Variants in ATAD5 observed in about 807,000 individuals in gnomAD.
ATAD5 encodes the protein ATPase family AAA domain containing 5.
ATAD5 carries 58 observed loss-of-function variants against 176.9 expected under a neutral mutation model. That is an observed-to-expected ratio of 0.33 (90% CI 0.27 to 0.41). The LOEUF is 0.41. Among genes scored for constraint, ATAD5 ranks in the 10% least tolerant of loss-of-function variants. The probability of loss-of-function intolerance (pLI) is 1.00; values close to 1 mark genes in which losing one functional copy is unlikely to be tolerated. For missense variants in ATAD5, 1,789 were observed against 2,094.1 expected (o/e 0.85, Z 2.84); for synonymous variants, 640 against 712.6 (o/e 0.90, Z 1.62).
chr17:30,877,932 G>A, intron 16 of ATAD5, 71 bp from the exon 17 acceptor site: 1 of 1,098,378 alleles, frequency 9.1e-7, no homozygotes, highest in Non-Finnish European at 1.3e-6. Context: ...AACAGACATA[G>A]AATATTTACT....
Position 30,893,998 on chromosome 17 carries a change from C to T in ATAD5, c.5145C>T (p.Leu1715=), listed in dbSNP as rs1444753791. The T allele has an allele frequency of 1.9e-6, 3 of 1,613,784 alleles. No individual in the cohort carries two copies. The highest frequency in any genetic ancestry group is 2.5e-6 in the Non-Finnish European group (3 of 1,179,804). ...AATTAAAGGCAGCTGCAGAAGCTCT[C>T]AGCTTTACTAAATGTTCTTCTGCTA... The part of the protein sequence containing the change: ...SGELKAAAEA[L]SFTKCSSAIS... Residue 1715 remains leucine (L), a synonymous_variant, in exon 21 of 23, where the codon CTC becomes CTT. Coordinates refer to ENST00000321990, the MANE Select transcript of ATAD5 (RefSeq NM_024857.5).
In ATAD5 at chr17:30,837,318, A is replaced by G; in HGVS notation, c.2076+4A>G. The G allele has an allele frequency of 6.6e-7, 1 of 1,522,118 alleles. No individual in the cohort carries two copies. Among genetic ancestry groups the G allele is most frequent in the Non-Finnish European group, 8.9e-7 (1 of 1,123,338 alleles). 94.3% of individuals were successfully genotyped at this position (1,522,118 alleles called of 1,614,324 possible). On this transcript the variant is annotated splice_donor_region_variant and intron_variant, in intron 3 of 22. Coordinates refer to ENST00000321990, the MANE Select transcript of ATAD5 (RefSeq NM_024857.5). ...TTTTACTTCTCAGATTAGAAAGGTA[A>G]TTAAAATATTAGAGAGTCCTATAAG... is the stretch of plus-strand genomic sequence containing the variant.
At chr17:30,868,252 T>TC in intron 11 of ATAD5, 81 bp from the exon 12 acceptor site, 1 of 1,189,338 alleles carries the variant, frequency 8.4e-7, no homozygotes, top group South Asian at 2.1e-5. Flanking sequence ...TGCCATAACT[T>TC]CCCCCGATAA....
Position 30,881,603 on chromosome 17 carries a change from C to G in ATAD5, c.4077+2116C>G, listed in dbSNP as rs1909015176. 2.0e-5 allele frequency among the ~76,000 whole-genome samples: 3 copies of G among 151,958 alleles called. 1 individual carries two copies. The highest frequency in any genetic ancestry group is 4.4e-5 in the Non-Finnish European group (3 of 67,958). ...CAGGCGTGAGCCACCGCGCCCGACC[C>G]TGTTCTTACTTTTAAATTGTGTTTC... On this transcript the variant is annotated intron_variant, in intron 18 of 22. Transcript: ENST00000321990.
intron 18 of ATAD5, among the ~76,000 whole-genome samples, chr17:30,882,140 C>T (rs1388154761): frequency 6.6e-6 from 1 of 151,832 alleles, no homozygotes; most frequent in Non-Finnish European, 1.5e-5. Context: ...CCTGTAATCC[C>T]AGCTACTCGG....
intron 19 of ATAD5, among the ~76,000 whole-genome samples, 182 bp from the exon 20 acceptor site, chr17:30,892,425 T>TAAAAAA (rs67654723): frequency 7.5e-6 from 1 of 133,274 alleles, no homozygotes. Flanking sequence ...ACTCTGTCTT[T>TAAAAAA]AAAAAAAAAA....
At chr17:30,876,846 A>C (rs1295559769) in intron 15 of ATAD5, among the ~76,000 whole-genome samples, 1 of 150,626 alleles carries the variant, frequency 6.6e-6, no homozygotes, top group African/African-American at 2.4e-5. Flanking sequence ...CCTCCCGAGT[A>C]GCTGGGATTA....
intron 4 of ATAD5, among the ~76,000 whole-genome samples, chr17:30,843,105 A>G (rs1417217180): frequency 6.6e-6 from 1 of 151,858 alleles, no homozygotes; most frequent in Non-Finnish European, 1.5e-5. Context: ...TAATCCCAGC[A>G]CTTTGGGAGG....
chr17:30,843,581 C>T (rs1008426252), intron 4 of ATAD5, among the ~76,000 whole-genome samples: 21 of 150,592 alleles, frequency 1.4e-4, no homozygotes, highest in Admixed American at 2.0e-4. Flanking sequence ...ACACGGGAGG[C>T]GGAGGTTGCA....
At chr17:30,874,291 C>T (rs1465355516) in intron 14 of ATAD5, among the ~76,000 whole-genome samples, 4 of 151,652 alleles carry the variant, frequency 2.6e-5, no homozygotes, top group Admixed American at 2.6e-4. Context: ...GCCTGTAATC[C>T]CAGCACTTTG....
In ATAD5 at chr17:30,893,665, C is replaced by G. The variant is rs755164403; in HGVS notation, c.4812C>G (p.Ser1604Arg). The change falls in exon 21 of 23, where the codon AGC becomes AGG. Residue 1604 changes from serine (S) to arginine (R), a missense_variant. Physicochemically the swap from Ser to Arg is moderately radical, Grantham distance 110. Transcript: ENST00000321990. Reference protein sequence around the residue: ...SVSSSSNAEESKTGDEESKAR... With the variant: ...SVSSSSNAEERKTGDEESKAR... ...CATCTTCCTCAAATGCAGAAGAAAG[C>G]AAAACCGGAGACGAAGAAAGCAAAG... 2 of 1,613,332 alleles carry G rather than the reference C, an allele frequency of 1.2e-6. No individual in the cohort carries two copies. Among genetic ancestry groups the G allele is most frequent in the East Asian group, 2.2e-5 (1 of 44,856 alleles).
chr17:30,844,702 C>T (rs1236359360), intron 5 of ATAD5, 133 bp from the exon 6 acceptor site: 18 of 645,696 alleles, frequency 2.8e-5, no homozygotes, highest in Middle Eastern at 9.6e-4. Context: ...GAGCCAAGAT[C>T]GTGGCACTGC....
Position 30,894,018 on chromosome 17 carries a change from C to G in ATAD5, c.5165C>G (p.Ser1722Cys). 20 of 1,613,496 alleles carry G rather than the reference C, an allele frequency of 1.2e-5. No individual in the cohort carries two copies. Among genetic ancestry groups the G allele is most frequent in the Non-Finnish European group, 1.6e-5 (19 of 1,179,580 alleles). ...AEALSFTKCS[S>C]AISKALETLN... ...GCTCTCAGCTTTACTAAATGTTCTT[C>G]TGCTATTTCAAAAGCATTGGAAACC... Residue 1722 changes from serine to cysteine, a missense_variant, in exon 21 of 23, where the codon TCT becomes TGT. Physicochemically the swap from Ser to Cys is moderately radical, Grantham distance 112. This residue lies in a region of ATAD5 where 403 missense variants were observed against 495.1 expected (regional missense o/e 0.81). Transcript: ENST00000321990.
chr17:30,839,706 C>G (rs1385356812), intron 3 of ATAD5, among the ~76,000 whole-genome samples: 1 of 138,828 alleles, frequency 7.2e-6, no homozygotes, highest in Non-Finnish European at 1.5e-5. Context: ...TCAGCCGCCC[C>G]AAGTCGTTGG....
intron 17 of ATAD5, among the ~76,000 whole-genome samples, chr17:30,878,940 C>T (rs901247483): frequency 6.6e-6 from 1 of 152,108 alleles, no homozygotes; most frequent in African/African-American, 2.4e-5. Flanking sequence ...CCATATTGGT[C>T]AGGCTGGTCT....
Position 30,894,083 on chromosome 17 carries a change from G to T in ATAD5, c.5230G>T (p.Asp1744Tyr), listed in dbSNP as rs755240839. ...GAAATTAGGAAGAGATCCAACCAACGATCTTACTTTTTATGTTTCACAAAA... is the reference window on the plus strand; with the variant it reads ...GAAATTAGGAAGAGATCCAACCAACTATCTTACTTTTTATGTTTCACAAAA... ...CKKLGRDPTN[D>Y]LTFYVSQKRN... is the part of the protein sequence containing the mutation. The change falls in exon 21 of 23, where the codon GAT becomes TAT. Residue 1744 changes from aspartate to tyrosine, a missense_variant. Transcript: ENST00000321990. 6.2e-7 allele frequency: 1 copy of T among 1,605,116 alleles called. No individual in the cohort carries two copies. Among genetic ancestry groups the T allele is most frequent in the Non-Finnish European group, 8.5e-7 (1 of 1,174,102 alleles).
At chr17:30,879,529 T>C in intron 18 of ATAD5, 42 bp downstream of exon 18, 3 of 1,522,894 alleles carry the variant, frequency 2.0e-6, no homozygotes, top group Non-Finnish European at 2.7e-6. Context: ...CATATCACCA[T>C]CATGTAAAAG....
rs1397127558 is a variant in ATAD5 at position 30,892,734 on chromosome 17, G to T, written c.4386G>T (p.Leu1462Phe). 1.3e-6 allele frequency: 2 copies of T among 1,583,502 alleles called. No homozygotes were observed. Among genetic ancestry groups the T allele is most frequent in the Non-Finnish European group, 1.7e-6 (2 of 1,166,784 alleles). The change falls in exon 20 of 23, where the codon TTG (leucine) becomes TTT (phenylalanine). Residue 1462 changes from leucine to phenylalanine, a missense_variant. Physicochemically the swap from Leu to Phe is conservative, Grantham distance 22. Coordinates refer to ENST00000321990, the MANE Select transcript of ATAD5 (RefSeq NM_024857.5). ...GTGACAGTGGCTGTGCTGAGACCTTGTTTGGCCTTAAGAACATTTTTTCCC... is the reference window on the plus strand; with the variant it reads ...GTGACAGTGGCTGTGCTGAGACCTTTTTTGGCCTTAAGAACATTTTTTCCC... Reference protein sequence around the residue: ...PKCDSGCAETLFGLKNIFSPS... With the variant: ...PKCDSGCAETFFGLKNIFSPS...
At chr17:30,839,822 T>C (rs1249027547) in intron 3 of ATAD5, among the ~76,000 whole-genome samples, 2 of 151,152 alleles carry the variant, frequency 1.3e-5, no homozygotes, top group Non-Finnish European at 3.0e-5. Context: ...TGACTTCAGG[T>C]GATCCACCCA....
Sources: allele counts gnomAD v4.1 joint callset (sites outside exome capture counted in the v4.1 genomes callset), GRCh38; gene constraint gnomAD v4.1.1; regional missense constraint gnomAD v4.1.1; transcripts MANE v1.5; gene names NCBI Gene and HGNC (gene_info 2026-07-23, HGNC 2026-07-21).